TMEM132D: variants seen among roughly 807,000 people sequenced by gnomAD.
The protein encoded by TMEM132D is transmembrane protein 132D.
Under a neutral mutation model 62.3 loss-of-function variants are expected in TMEM132D, and 21 were observed. The ratio of observed to expected loss-of-function variants is 0.34; its 90% CI spans 0.24 to 0.49. TMEM132D has a LOEUF of 0.49. TMEM132D is among the 20% of genes least tolerant of loss of function. The pLI, the probability that TMEM132D is intolerant of heterozygous loss-of-function variation, is 0.99. For synonymous variants in TMEM132D, 621 were observed against 575.6 expected (o/e 1.08, Z -1.13); for missense variants, 1,346 against 1,402.8 (o/e 0.96, Z 0.65).
intron 5 of TMEM132D, among the ~76,000 whole-genome samples, chr12:129,097,774 C>A (rs1034871320): frequency 3.9e-5 from 6 of 152,182 alleles, no homozygotes; most frequent in Non-Finnish European, 8.8e-5. Flanking sequence ...ACTTTTCCTC[C>A]CTTTGTTTCT....
chr12:129,490,321 G>A (rs1874729278), intron 3 of TMEM132D, among the ~76,000 whole-genome samples: 1 of 151,142 alleles, frequency 6.6e-6, no homozygotes, highest in Non-Finnish European at 1.5e-5. Context: ...TTTGATGTCT[G>A]AACTAGAGGT....
At chr12:129,267,382 C>G (rs1392625151) in intron 4 of TMEM132D, among the ~76,000 whole-genome samples, 1 of 151,948 alleles carries the variant, frequency 6.6e-6, no homozygotes. Context: ...CATTCTCACA[C>G]ACCAATAACA....
intron 5 of TMEM132D, among the ~76,000 whole-genome samples, chr12:129,191,653 T>C (rs1413683901): frequency 6.6e-6 from 1 of 151,800 alleles, no homozygotes; most frequent in African/African-American, 2.4e-5. Context: ...TATATATATC[T>C]CAGTAGGAGA....
chr12:129,256,740 A>G (rs1442282156), intron 4 of TMEM132D, among the ~76,000 whole-genome samples: 1 of 152,126 alleles, frequency 6.6e-6, no homozygotes, highest in Non-Finnish European at 1.5e-5. Context: ...TATTTTTAGT[A>G]GAGACGGGGT....
rs1248394261 is a variant in TMEM132D, at chr12:129,700,247, T to C, written c.531A>G (p.Arg177=). The C allele has an allele frequency of 5.6e-6, 9 of 1,612,894 alleles. No homozygotes were observed. In the Admixed American group the frequency reaches 1.0e-4, roughly 18 times the overall value. ...CLRVFAFRET[R]EVRGSCRLQG... ...GCAGCCGGCAGCTGCCCCGCACCTC[T>C]CGGGTCTCTCGGAAAGCAAAGACCC... The change falls in exon 2 of 9, where the codon CGA becomes CGG. Residue 177 remains arginine (R), a synonymous_variant. Coordinates refer to ENST00000422113, the MANE Select transcript of TMEM132D (RefSeq NM_133448.3).
intron 2 of TMEM132D, among the ~76,000 whole-genome samples, chr12:129,660,539 C>T (rs192816334): frequency 2.0e-5 from 3 of 152,124 alleles, no homozygotes; most frequent in African/African-American, 4.8e-5. Flanking sequence ...CCCCTTTATG[C>T]GCAGTCTGTC....
intron 3 of TMEM132D, among the ~76,000 whole-genome samples, chr12:129,383,650 G>T (rs565181690): frequency 1.2e-4 from 19 of 152,232 alleles, no homozygotes; most frequent in African/African-American, 4.1e-4. Flanking sequence ...TATTGGCCAG[G>T]CTGGTCTCGA....
intron 5 of TMEM132D, among the ~76,000 whole-genome samples, chr12:129,179,994 C>T: frequency 6.6e-6 from 1 of 151,680 alleles, no homozygotes; most frequent in Non-Finnish European, 1.5e-5. Flanking sequence ...CATCACAGCA[C>T]TCCAGCCTGG....
chr12:129,650,652 A>G (rs1448347118), intron 2 of TMEM132D, among the ~76,000 whole-genome samples: 1 of 152,138 alleles, frequency 6.6e-6, no homozygotes, highest in Non-Finnish European at 1.5e-5. Context: ...TGTCAATCTA[A>G]TGGGTGTGAA....
intron 3 of TMEM132D, among the ~76,000 whole-genome samples, chr12:129,488,812 A>T (rs796263558): frequency 8.5e-5 from 13 of 152,120 alleles, no homozygotes; most frequent in African/African-American, 3.1e-4. Context: ...GGCCATGAGC[A>T]AACTTTGCAT....
rs1343932393 is a variant in TMEM132D at position 129,189,557 on chromosome 12, G to A, written c.1443+19963C>T. Among the ~76,000 whole-genome samples, 9 of 152,074 alleles carry A rather than the reference G, an allele frequency of 5.9e-5. 1 individual carries two copies. The highest frequency in any genetic ancestry group is 2.0e-4 in the Admixed American group (3 of 15,266). ...CCTGGAGAGCTGCCCATAGCCCACC[G>A]TGCATCTGACCCAGGGTGCGTGAGG... On this transcript the variant is annotated intron_variant, in intron 5 of 8. Coordinates refer to ENST00000422113, the MANE Select transcript of TMEM132D (RefSeq NM_133448.3).
At chr12:129,591,181 G>C (rs182195341) in intron 2 of TMEM132D, among the ~76,000 whole-genome samples, 6 of 152,334 alleles carry the variant, frequency 3.9e-5, no homozygotes, top group African/African-American at 1.4e-4. Flanking sequence ...AGGGGGCACT[G>C]TTGAGGGCCC....
chr12:129,174,922 G>T (rs886938300), intron 5 of TMEM132D, among the ~76,000 whole-genome samples: 25 of 152,054 alleles, frequency 1.6e-4, no homozygotes, highest in Admixed American at 1.5e-3. Flanking sequence ...TTTTGAGGGG[G>T]TTGTTTTTTT....
intron 2 of TMEM132D, among the ~76,000 whole-genome samples, chr12:129,672,431 G>C (rs959377838): frequency 7.9e-5 from 12 of 152,200 alleles, no homozygotes. Context: ...TGCCCAACAA[G>C]TGTACATTTA....
intron 4 of TMEM132D, among the ~76,000 whole-genome samples, chr12:129,264,051 C>A (rs78080223): frequency 6.6e-6 from 1 of 152,020 alleles, no homozygotes; most frequent in Non-Finnish European, 1.5e-5. Context: ...CAGTGCTGGC[C>A]GTCACCTGCA....
At chr12:129,714,236 C>A (rs1868482902) in intron 1 of TMEM132D, among the ~76,000 whole-genome samples, 1 of 152,274 alleles carries the variant, frequency 6.6e-6, no homozygotes, top group African/African-American at 2.4e-5. Context: ...CTCCCCAGAG[C>A]AGCACTCCAT....
chr12:129,125,323 C>A (rs530712589), intron 5 of TMEM132D, among the ~76,000 whole-genome samples: 8 of 152,282 alleles, frequency 5.3e-5, no homozygotes, highest in African/African-American at 9.6e-5. Flanking sequence ...TTCAGAATTT[C>A]ACCAGAATTG....
chr12:129,699,917 G>T lies in TMEM132D; in HGVS notation c.861C>A (p.Asp287Glu), dbSNP rs2137225442. Residue 287 changes from aspartate (D) to glutamate (E), a missense_variant, in exon 2 of 9, where the codon GAC becomes GAA. By Grantham distance (45) the Asp-to-Glu change is conservative (BLOSUM62 2). Transcript: ENST00000422113. ...GTATATAGTGGATGGCCACGCTGTT[G>T]TCCAGACGCAGTTCTCTCAGGGAGG... is the stretch of plus-strand genomic sequence containing the variant. ...RKPSLRELRLDNSVAIHYIPK... is the reference protein window; with the variant it reads ...RKPSLRELRLENSVAIHYIPK... 2 of 1,614,152 alleles carry T rather than the reference G, an allele frequency of 1.2e-6. No individual in the cohort carries two copies. The highest frequency in any genetic ancestry group is 1.7e-6 in the Non-Finnish European group (2 of 1,180,024).
At position 129,241,175 on chromosome 12, in the gene TMEM132D, A is replaced by T. The variant is rs1395290425; in HGVS notation, c.1300-31512T>A. Among the ~76,000 whole-genome samples, 3 of 151,428 alleles carry T rather than the reference A, an allele frequency of 2.0e-5. No individual in the cohort carries two copies. In the East Asian group the frequency reaches 5.8e-4, roughly 29 times the overall value. ...CAAAAAAAAAAAAAAAAAAAAGGAA[A>T]GAAAAAAACTCCAAAACAACCAACT... On this transcript the variant is annotated intron_variant, in intron 4 of 8. Transcript: ENST00000422113.
Sources: gnomAD v4.1 joint callset for allele counts (sites outside exome capture counted in the v4.1 genomes callset) on GRCh38, gnomAD v4.1.1 for gene constraint, MANE v1.5 for transcripts, NCBI Gene and HGNC (gene_info 2026-07-23, HGNC 2026-07-21) for gene names.